MFSD6: variants seen among roughly 807,000 people sequenced by gnomAD.
The protein encoded by MFSD6 is major facilitator superfamily domain-containing protein 6.
In MFSD6, 26 loss-of-function variants were observed where a neutral mutation model predicts 56.3. That is an observed-to-expected ratio of 0.46 (90% CI 0.34 to 0.64). The LOEUF is 0.64. Among genes scored for constraint, MFSD6 ranks in the 30% least tolerant of loss-of-function variants. The pLI, the probability that MFSD6 is intolerant of heterozygous loss-of-function variation, is 0.01. For missense variants in MFSD6, 750 were observed against 986.2 expected, an observed-to-expected ratio of 0.76 and a Z score of 3.21; for synonymous variants, 331 against 366.9, an observed-to-expected ratio of 0.90 and a Z score of 1.12.
At chr2:190,442,125 A>G (rs1315849427) in intron 3 of MFSD6, among the ~76,000 whole-genome samples, 1 of 152,250 alleles carries the variant, frequency 6.6e-6, no homozygotes, top group African/African-American at 2.4e-5. Context: ...TCTTCTTTAA[A>G]AATGGTTTTT....
In MFSD6 at chr2:190,436,121, G is replaced by T. The variant is rs756139128; in HGVS notation, c.92G>T (p.Arg31Met). Residue 31 changes from arginine (R) to methionine (M), a missense_variant, in exon 3 of 8, where the codon AGG becomes ATG. Arg to Met is a moderately conservative substitution (Grantham distance 91, BLOSUM62 -1). Coordinates refer to ENST00000392328, the MANE Select transcript of MFSD6 (RefSeq NM_017694.4). The surrounding 1 kb of genome is among the most constrained non-coding windows in gnomAD (Gnocchi z 5.3). ...GCAGATCCCTTTAATGGTATTTCCA[G>T]GGAACCAGAACCACCTTCGAATGAA... Reference protein sequence around the residue: ...VLADPFNGISREPEPPSNETP... With the variant: ...VLADPFNGISMEPEPPSNETP... 6.2e-7 allele frequency: 1 copy of T among 1,614,184 alleles called. No individual in the cohort carries two copies.
chr2:190,468,574 T>A (rs986445808), intron 3 of MFSD6, among the ~76,000 whole-genome samples: 6 of 151,002 alleles, frequency 4.0e-5, no homozygotes, highest in Non-Finnish European at 7.4e-5. Context: ...TACCTCAGCC[T>A]CCCAAGTAGC....
rs2125014409 is a variant in MFSD6, at chr2:190,425,949, T to C, written c.-53-10028T>C. ...TATCATTTCAATTGTTTTTCTCCCA[T>C]TGGTAAGTTGTTTCTCTCTGCTTTC... On this transcript the variant is annotated intron_variant, in intron 2 of 7. Coordinates refer to ENST00000392328, the MANE Select transcript of MFSD6 (RefSeq NM_017694.4). This position sits in a 1 kb window ranked among gnomAD's most constrained non-coding sequence, Gnocchi z 4.3. 6.6e-6 allele frequency among the ~76,000 whole-genome samples: 1 copy of C among 152,316 alleles called. No individual in the cohort carries two copies. Among genetic ancestry groups the C allele is most frequent in the South Asian group, 2.1e-4 (1 of 4,830 alleles).
At chr2:190,453,007 T>C (rs1686837309) in intron 3 of MFSD6, among the ~76,000 whole-genome samples, 1 of 152,122 alleles carries the variant, frequency 6.6e-6, no homozygotes, top group African/African-American at 2.4e-5. Flanking sequence ...TGTTCTAGGG[T>C]TGCAGTGTTG....
chr2:190,467,451 A>C lies in MFSD6; in HGVS notation c.1533-2307A>C, dbSNP rs1687661480. ...AACATGGCAAAACCTCGTCTCTACT[A>C]AAAATACAAAAATTAGCCAGGCATG... On this transcript the variant is annotated intron_variant, in intron 3 of 7. Coordinates refer to ENST00000392328, the MANE Select transcript of MFSD6 (RefSeq NM_017694.4). This position sits in a 1 kb window ranked among gnomAD's most constrained non-coding sequence, Gnocchi z 5.5. Among the ~76,000 whole-genome samples the C allele has an allele frequency of 6.6e-6, 1 of 152,190 alleles. No homozygotes were observed.
Position 190,499,016 on chromosome 2 carries a change from C to CG in MFSD6, c.2173-996dup. Among the ~76,000 whole-genome samples, 1 of 152,118 alleles carries CG rather than the reference C, an allele frequency of 6.6e-6. No individual in the cohort carries two copies. The highest frequency in any genetic ancestry group is 1.9e-4 in the East Asian group (1 of 5,154). Reference sequence around the variant, plus strand: ...TATAAAAATTAGCTGGGCATGGTGGCGGGTGCCTGTAATCCCAGCTACTAT... The same window carrying CG: ...TATAAAAATTAGCTGGGCATGGTGGCGGGGTGCCTGTAATCCCAGCTACTAT... On this transcript the variant is annotated intron_variant, in intron 7 of 7. Transcript: ENST00000392328. This position sits in a 1 kb window ranked among gnomAD's most constrained non-coding sequence, Gnocchi z 6.0.
chr2:190,463,862 T>C lies in MFSD6; in HGVS notation c.1533-5896T>C. ...TAAAATAAAAATAAAAAGCTGAGAATGATGGAGCCCAATCTAAGGGCGCAC... is the reference window on the plus strand; with the variant it reads ...TAAAATAAAAATAAAAAGCTGAGAACGATGGAGCCCAATCTAAGGGCGCAC... On this transcript the variant is annotated intron_variant, in intron 3 of 7. Coordinates refer to ENST00000392328, the MANE Select transcript of MFSD6 (RefSeq NM_017694.4). The surrounding 1 kb of genome is among the most constrained non-coding windows in gnomAD (Gnocchi z 4.4). 1 of 981,758 alleles carries C rather than the reference T, an allele frequency of 1.0e-6. No homozygotes were observed. The highest frequency in any genetic ancestry group is 1.2e-6 in the Non-Finnish European group (1 of 826,728). 60.8% of individuals were successfully genotyped at this position (981,758 alleles called of 1,614,324 possible).
rs747168714 is a variant in MFSD6, at chr2:190,436,001, T to A, written c.-29T>A. 1.9e-6 allele frequency: 3 copies of A among 1,578,708 alleles called. No homozygotes were observed. The highest frequency in any genetic ancestry group is 2.6e-6 in the Non-Finnish European group (3 of 1,163,224). On this transcript the variant is annotated 5_prime_UTR_variant, in exon 3 of 8. Coordinates refer to ENST00000392328, the MANE Select transcript of MFSD6 (RefSeq NM_017694.4). The surrounding 1 kb of genome is among the most constrained non-coding windows in gnomAD (Gnocchi z 5.3). ...GATCAACAGTACAAATTCTGAAGTT[T>A]GTAAACTTGCTGATGGTGGTGGTAA...
At chr2:190,481,758 G>A (rs1688681072) in intron 4 of MFSD6, among the ~76,000 whole-genome samples, 1 of 152,192 alleles carries the variant, frequency 6.6e-6, no homozygotes, top group Admixed American at 6.5e-5. Flanking sequence ...ATAGGTGTGG[G>A]AATGTTGGCT....
In MFSD6 at chr2:190,502,208, C is replaced by T. The variant is rs1690056475; in HGVS notation, c.*1990C>T. ...AATCGATAATGCAGTCATTTCCAGC[C>T]TTGTGAGCTGACACCTTCATGGGTT... On this transcript the variant is annotated 3_prime_UTR_variant, in exon 8 of 8. Transcript: ENST00000392328. The surrounding 1 kb of genome is among the most constrained non-coding windows in gnomAD (Gnocchi z 4.4). The T allele has an allele frequency of 6.6e-6, 1 of 152,142 alleles. No homozygotes were observed. Among genetic ancestry groups the T allele is most frequent in the South Asian group, 2.1e-4 (1 of 4,826 alleles). 9.4% of individuals were successfully genotyped at this position (152,142 alleles called of 1,614,324 possible).
At position 190,447,961 on chromosome 2, in the gene MFSD6, G is replaced by A. The variant is rs910039577; in HGVS notation, c.1532+10400G>A. Among the ~76,000 whole-genome samples the A allele has an allele frequency of 3.3e-5, 5 of 152,152 alleles. No individual in the cohort carries two copies. The highest frequency in any genetic ancestry group is 7.2e-5 in the African/African-American group (3 of 41,400). On this transcript the variant is annotated intron_variant, in intron 3 of 7. Coordinates refer to ENST00000392328, the MANE Select transcript of MFSD6 (RefSeq NM_017694.4). The surrounding 1 kb of genome is among the most constrained non-coding windows in gnomAD (Gnocchi z 4.5). ...TAATCAAGCTATTCATAGTTAAGAAGAAAAGGCCATTGTTGCAAAGTGGTA... is the reference window on the plus strand; with the variant it reads ...TAATCAAGCTATTCATAGTTAAGAAAAAAAGGCCATTGTTGCAAAGTGGTA...
At chr2:190,446,326 A>G (rs553349537) in intron 3 of MFSD6, among the ~76,000 whole-genome samples, 2 of 152,312 alleles carry the variant, frequency 1.3e-5, no homozygotes, top group Admixed American at 1.3e-4. Flanking sequence ...GGTGTATCCA[A>G]GGCTGCACAG....
intron 2 of MFSD6, among the ~76,000 whole-genome samples, chr2:190,428,298 CA>C (rs1193864949): frequency 1.3e-5 from 2 of 152,184 alleles, no homozygotes; most frequent in African/African-American, 4.8e-5. Flanking sequence ...CTGCAGTGAA[CA>C]TGTTTATAGA....
rs1046273753 is a variant in MFSD6, at chr2:190,451,221, G to C, written c.1532+13660G>C. Reference sequence around the variant, plus strand: ...CCCACACTTAGTCCTGTCTAACATTGGATAAGTCAGTAATTTTAGCTTTGT... The same window carrying C: ...CCCACACTTAGTCCTGTCTAACATTCGATAAGTCAGTAATTTTAGCTTTGT... On this transcript the variant is annotated intron_variant, in intron 3 of 7. Coordinates refer to ENST00000392328, the MANE Select transcript of MFSD6 (RefSeq NM_017694.4). This position sits in a 1 kb window ranked among gnomAD's most constrained non-coding sequence, Gnocchi z 5.0. Among the ~76,000 whole-genome samples, 3 of 152,160 alleles carry C rather than the reference G, an allele frequency of 2.0e-5. No individual in the cohort carries two copies. Among genetic ancestry groups the C allele is most frequent in the African/African-American group, 7.2e-5 (3 of 41,434 alleles).
chr2:190,483,750 G>A (rs193044353), intron 4 of MFSD6, among the ~76,000 whole-genome samples: 3 of 148,512 alleles, frequency 2.0e-5, no homozygotes, highest in Non-Finnish European at 3.0e-5. Flanking sequence ...CAGGAGAATT[G>A]CTTGAACCCA....
intron 4 of MFSD6, among the ~76,000 whole-genome samples, chr2:190,483,651 A>G (rs1056415228): frequency 6.6e-6 from 1 of 152,080 alleles, no homozygotes; most frequent in Non-Finnish European, 1.5e-5. Context: ...CCTGGCCAAC[A>G]TGGTGAAACC....
rs11307721 is a variant in MFSD6, at chr2:190,485,803, TAA to T, written c.1631-2841_1631-2840del. Among the ~76,000 whole-genome samples the T allele has an allele frequency of 2.0e-3, 284 of 144,514 alleles. 2 individuals carry two copies. Among genetic ancestry groups the T allele is most frequent in the Admixed American group, 0.015 (215 of 14,694 alleles). 94.8% of individuals were successfully genotyped at this position (144,514 alleles called of 152,430 possible). ...TAATCATCTAGTCCATCTTACTAGT[TAA>T]AAAAAAAAAAAACCTAGTTAAAATG... is the stretch of plus-strand genomic sequence containing the variant. On this transcript the variant is annotated intron_variant, in intron 4 of 7. Coordinates refer to ENST00000392328, the MANE Select transcript of MFSD6 (RefSeq NM_017694.4). This position sits in a 1 kb window ranked among gnomAD's most constrained non-coding sequence, Gnocchi z 5.1.
intron 2 of MFSD6, among the ~76,000 whole-genome samples, chr2:190,430,813 C>T (rs537247403): frequency 6.4e-4 from 93 of 145,178 alleles, no homozygotes; most frequent in South Asian, 2.7e-3. Flanking sequence ...CCCCACCTCC[C>T]TCCCGGACGG....
In MFSD6 at chr2:190,412,048, C is replaced by A; in HGVS notation, c.-175-3244C>A. 4.1e-6 allele frequency: 4 copies of A among 984,942 alleles called. No individual in the cohort carries two copies. The highest frequency in any genetic ancestry group is 4.8e-6 in the Non-Finnish European group (4 of 829,542). The allele number at this position is 984,942 out of a possible 1,614,324, so 61.0% of individuals were successfully genotyped here. ...CTTTAGGTATAATTATTTTTAGTAA[C>A]AATTTAGGAGAAGCAAGTTATCATA... On this transcript the variant is annotated intron_variant, in intron 1 of 7. Coordinates refer to ENST00000392328, the MANE Select transcript of MFSD6 (RefSeq NM_017694.4). This position sits in a 1 kb window ranked among gnomAD's most constrained non-coding sequence, Gnocchi z 4.1.
Sources: allele counts gnomAD v4.1 joint callset (sites outside exome capture counted in the v4.1 genomes callset), GRCh38; gene constraint gnomAD v4.1.1; non-coding constraint Gnocchi (gnomAD v3.1); transcripts MANE v1.5; gene names NCBI Gene and HGNC (gene_info 2026-07-23, HGNC 2026-07-21).